RCE1: variants seen among roughly 807,000 people sequenced by gnomAD.
RCE1 encodes the protein CAAX prenyl protease 2.
RCE1 carries 15 observed loss-of-function variants against 35.0 expected under a neutral mutation model. The observed-to-expected ratio is 0.43, with a 90% CI of 0.29 to 0.66. The LOEUF is 0.66. RCE1 is among the 30% of genes least tolerant of loss of function. The pLI is 0.17. For missense variants in RCE1, 434 were observed against 433.0 expected, an observed-to-expected ratio of 1.00 and a Z score of -0.02; for synonymous variants, 261 against 192.7, an observed-to-expected ratio of 1.35 and a Z score of -2.94.
chr11:66,845,623 A>G lies in RCE1; in HGVS notation c.754+61A>G, dbSNP rs941066051. 21 of 1,610,096 alleles carry G rather than the reference A, an allele frequency of 1.3e-5. No homozygotes were observed. The Admixed American group carries it at 2.8e-4, about 22-fold the overall frequency. The stretch of plus-strand genomic sequence containing the variant: ...CACAGGAGCGGGTGGGAGAATGGGA[A>G]TACTGTTTGTTCTAGGAACAAAAGT... On this transcript the variant is annotated intron_variant, in intron 7 of 7. Transcript: ENST00000309657.
At chr11:66,844,767 G>A in intron 4 of RCE1, 102 bp from the exon 5 acceptor site, 2 of 1,425,934 alleles carry the variant, frequency 1.4e-6, no homozygotes, top group Non-Finnish European at 1.8e-6. Flanking sequence ...CCTAACCTGA[G>A]TTTGGCCAGG....
Position 66,843,735 on chromosome 11 carries a change from C to T in RCE1, c.186-24C>T, listed in dbSNP as rs764205089. On this transcript the variant is annotated intron_variant, in intron 1 of 7. Coordinates refer to ENST00000309657, the MANE Select transcript of RCE1 (RefSeq NM_005133.3). Reference sequence around the variant, plus strand: ...GTGCTCATGGGCAGCCGCGGGCCCCCTGAACTTACTGTCCCCTCCGTAGGG... The same window carrying T: ...GTGCTCATGGGCAGCCGCGGGCCCCTTGAACTTACTGTCCCCTCCGTAGGG... 3.1e-6 allele frequency: 5 copies of T among 1,611,464 alleles called. No individual in the cohort carries two copies. In the South Asian group the frequency reaches 5.5e-5, roughly 18 times the overall value.
intron 1 of RCE1, 24 bp downstream of exon 1, chr11:66,843,664 A>G: frequency 6.2e-7 from 1 of 1,603,062 alleles, no homozygotes; most frequent in Non-Finnish European, 8.5e-7. Flanking sequence ...GCGCGACCGG[A>G]ATCCGCGCCC....
At position 66,843,485 on chromosome 11, in the gene RCE1, A is replaced by G; in HGVS notation, c.30A>G (p.Arg10=). The change falls in exon 1 of 8, where the codon CGA becomes CGG. Residue 10 remains arginine (R), a synonymous_variant. Transcript: ENST00000309657. ...CGGCGCTGGGCGGGGATGGGCTGCG[A>G]CTGCTGTCGGTGTCGCGGCCGGAGC... MAALGGDGL[R]LLSVSRPERP... is the part of the protein sequence containing the mutation. 2 of 1,470,996 alleles carry G rather than the reference A, an allele frequency of 1.4e-6. No individual in the cohort carries two copies. Among genetic ancestry groups the G allele is most frequent in the African/African-American group, 1.5e-5 (1 of 66,748 alleles). 91.1% of individuals were successfully genotyped at this position (1,470,996 alleles called of 1,614,324 possible).
rs1209038405 is a variant in RCE1 at position 66,843,550 on chromosome 11, G to C, written c.95G>C (p.Gly32Ala). The C allele has an allele frequency of 1.9e-6, 3 of 1,561,764 alleles. No homozygotes were observed. The highest frequency in any genetic ancestry group is 2.6e-6 in the Non-Finnish European group (3 of 1,162,290). ...ESAALGGLGP[G>A]LCCWVSVFSC... is the part of the protein sequence containing the mutation. ...GCGGCGCTGGGCGGCCTGGGCCCCGGGCTGTGCTGCTGGGTGTCAGTGTTC... is the reference window on the plus strand; with the variant it reads ...GCGGCGCTGGGCGGCCTGGGCCCCGCGCTGTGCTGCTGGGTGTCAGTGTTC... Residue 32 changes from glycine (G) to alanine (A), a missense_variant, in exon 1 of 8, where the codon GGG (glycine) becomes GCG (alanine). Coordinates refer to ENST00000309657, the MANE Select transcript of RCE1 (RefSeq NM_005133.3).
intron 4 of RCE1, 111 bp downstream of exon 4, chr11:66,844,475 GGT>G: frequency 2.1e-6 from 3 of 1,422,948 alleles, no homozygotes; most frequent in Non-Finnish European, 2.9e-6. Context: ...CATCTCTCTG[GGT>G]GTGTTTTCTC....
In RCE1 at chr11:66,846,184, C is replaced by T. The variant is rs1945206776; in HGVS notation, c.*89C>T. The stretch of plus-strand genomic sequence containing the variant: ...TGCAGGGGAAGGGCTGGCTGGGGTC[C>T]CCGAGATCTCAGGAATTTTTGTAGG... On this transcript the variant is annotated 3_prime_UTR_variant, in exon 8 of 8. Coordinates refer to ENST00000309657, the MANE Select transcript of RCE1 (RefSeq NM_005133.3). The T allele has an allele frequency of 6.8e-7, 1 of 1,461,456 alleles. No individual in the cohort carries two copies. The highest frequency in any genetic ancestry group is 1.4e-5 in the African/African-American group (1 of 70,550). 90.5% of individuals were successfully genotyped at this position (1,461,456 alleles called of 1,614,324 possible).
chr11:66,844,801 T>C lies in RCE1; in HGVS notation c.452-68T>C, dbSNP rs569889090. The stretch of plus-strand genomic sequence containing the variant: ...GGGTAAAGTTGTGGGAGAGGAGCCC[T>C]TGGAGCCTCTGGGGTCTCACTGTCT... On this transcript the variant is annotated intron_variant, in intron 4 of 7. Transcript: ENST00000309657. 9.5e-6 allele frequency: 14 copies of C among 1,480,014 alleles called. No homozygotes were observed. In the African/African-American group the frequency reaches 1.8e-4, roughly 19 times the overall value. The allele number at this position is 1,480,014 out of a possible 1,614,324, so 91.7% of individuals were successfully genotyped here. A position where few individuals can be genotyped will look rare whatever the true frequency, so the allele number is the denominator to read the frequency against.
At chr11:66,845,346 C>G in intron 6 of RCE1, 109 bp downstream of exon 6, 1 of 1,585,256 alleles carries the variant, frequency 6.3e-7, no homozygotes, top group Non-Finnish European at 8.6e-7. Context: ...AGGCCACTGA[C>G]CGTGGGAAGT....
At chr11:66,844,812 G>T in intron 4 of RCE1, 57 bp from the exon 5 acceptor site, 4 of 1,491,690 alleles carry the variant, frequency 2.7e-6, no homozygotes, top group Non-Finnish European at 2.7e-6. Context: ...TGGAGCCTCT[G>T]GGGTCTCACT....
Position 66,844,015 on chromosome 11 carries a change from G to A in RCE1, c.348G>A (p.Ala116=), listed in dbSNP as rs752918519. The A allele has an allele frequency of 1.2e-5, 19 of 1,613,990 alleles. No individual in the cohort carries two copies. In the Admixed American group the frequency reaches 3.2e-4, roughly 27 times the overall value. ...GGCTGGAGGGCATTTTCCCAGCGGC[G>A]CTGCTGCCCCTGTTGCTGACCATGG... ...GFRLEGIFPA[A]LLPLLLTMIL... is the part of the protein sequence containing the mutation. The change falls in exon 3 of 8, where the codon GCG becomes GCA. Residue 116 remains alanine (A), a synonymous_variant. Coordinates refer to ENST00000309657, the MANE Select transcript of RCE1 (RefSeq NM_005133.3).
chr11:66,843,810 C>T lies in RCE1; in HGVS notation c.237C>T (p.Ser79=), dbSNP rs71457743. 8.4e-4 allele frequency: 1,362 copies of T among 1,613,936 alleles called. 1 individual carries two copies. Among genetic ancestry groups the T allele is most frequent in the Admixed American group, 1.5e-3 (89 of 60,014 alleles). ...GCTTCACCAGCGTCCTGGTGGTGTC[C>T]AGTCTCTCACCCCTGTGCGTGCTGC... ...KRRFTSVLVV[S]SLSPLCVLLW... The change falls in exon 2 of 8, where the codon TCC becomes TCT. Residue 79 remains serine (S), a synonymous_variant. Transcript: ENST00000309657.
At chr11:66,845,833 C>T in intron 7 of RCE1, 27 bp from the exon 8 acceptor site, 1 of 1,606,034 alleles carries the variant, frequency 6.2e-7, no homozygotes. Context: ...TAGGGCTGCT[C>T]CCTGAGCTGC....
At position 66,843,636 on chromosome 11, in the gene RCE1, C is replaced by T. The variant is rs1488152625; in HGVS notation, c.181C>T (p.Pro61Ser). 1.9e-6 allele frequency: 3 copies of T among 1,602,646 alleles called. No individual in the cohort carries two copies. The highest frequency in any genetic ancestry group is 1.7e-6 in the Non-Finnish European group (2 of 1,177,130). The change falls in exon 1 of 8, where the codon CCC becomes TCC. Residue 61 changes from proline to serine, a missense_variant. Coordinates refer to ENST00000309657, the MANE Select transcript of RCE1 (RefSeq NM_005133.3). The stretch of plus-strand genomic sequence containing the variant: ...CCTCTACGTCTGGAAGAGCGAACTG[C>T]CCAGGTGCGGGGGCTGCGCGCGACC... ...GSLYVWKSEL[P>S]RDHPAVIKRR...
chr11:66,843,465 C>T lies in RCE1; in HGVS notation c.10C>T (p.Leu4=), dbSNP rs1187996663. ...CGCGGGTCAGGGCGCAATGGCGGCG[C>T]TGGGCGGGGATGGGCTGCGACTGCT... MAA[L]GGDGLRLLSV... Residue 4 remains leucine, a synonymous_variant, in exon 1 of 8, where the codon CTG becomes TTG. Coordinates refer to ENST00000309657, the MANE Select transcript of RCE1 (RefSeq NM_005133.3). 2.1e-6 allele frequency: 3 copies of T among 1,414,234 alleles called. No homozygotes were observed. Among genetic ancestry groups the T allele is most frequent in the Non-Finnish European group, 1.8e-6 (2 of 1,098,330 alleles). The allele number at this position is 1,414,234 out of a possible 1,614,324, so 87.6% of individuals were successfully genotyped here.
At chr11:66,845,681 C>T in intron 7 of RCE1, 119 bp downstream of exon 7, 1 of 1,524,812 alleles carries the variant, frequency 6.6e-7, no homozygotes, top group South Asian at 1.2e-5. Context: ...CAGGCTGAGC[C>T]AGAGCCCTCA....
chr11:66,845,771 T>C, intron 7 of RCE1, 89 bp from the exon 8 acceptor site: 1 of 1,520,260 alleles, frequency 6.6e-7, no homozygotes, highest in Non-Finnish European at 8.9e-7. Flanking sequence ...GATCTTGATC[T>C]CCTGTTTCAG....
chr11:66,844,020 T>C lies in RCE1; in HGVS notation c.353T>C (p.Leu118Pro). 1 of 1,614,152 alleles carries C rather than the reference T, an allele frequency of 6.2e-7. No homozygotes were observed. The highest frequency in any genetic ancestry group is 8.5e-7 in the Non-Finnish European group (1 of 1,180,032). The change falls in exon 3 of 8, where the codon CTG (leucine) becomes CCG (proline). Residue 118 changes from leucine (L) to proline (P), a missense_variant. By Grantham distance (98) the Leu-to-Pro change is moderately conservative (BLOSUM62 -3). Transcript: ENST00000309657. ...GAGGGCATTTTCCCAGCGGCGCTGC[T>C]GCCCCTGTTGCTGACCATGGTGAGT... ...RLEGIFPAALLPLLLTMILFL... is the reference protein window; with the variant it reads ...RLEGIFPAALPPLLLTMILFL...
chr11:66,845,202 G>C lies in RCE1; in HGVS notation c.656G>C (p.Arg219Pro), dbSNP rs367622666. 3 of 1,614,208 alleles carry C rather than the reference G, an allele frequency of 1.9e-6. No individual in the cohort carries two copies. Among genetic ancestry groups the C allele is most frequent in the Non-Finnish European group, 2.5e-6 (3 of 1,180,044 alleles). The change falls in exon 6 of 8, where the codon CGC becomes CCC. Residue 219 changes from arginine to proline, a missense_variant. Transcript: ENST00000309657. ...CATATTATTGAGCAGCTGCGTTTCC[G>C]CCAGAGCAGCGTGGGGAACATCTTC... ...FHHIIEQLRFRQSSVGNIFLS... is the reference protein window; with the variant it reads ...FHHIIEQLRFPQSSVGNIFLS...
Sources: allele counts gnomAD v4.1 joint callset, GRCh38; gene constraint gnomAD v4.1.1; transcripts MANE v1.5; gene names NCBI Gene and HGNC (gene_info 2026-07-23, HGNC 2026-07-21).